The following ARHGAP15 variants were observed in gnomAD, a reference collection of about 807,000 sequenced individuals.
ARHGAP15 encodes the protein rho GTPase-activating protein 15.
Under a neutral mutation model 63.7 loss-of-function variants are expected in ARHGAP15, and 51 were observed. The ratio of observed to expected loss-of-function variants is 0.80; its 90% CI spans 0.64 to 1.01. ARHGAP15 has a LOEUF of 1.01. Ranked by LOEUF, ARHGAP15 falls within the 50% of genes least tolerant of loss-of-function variation. The pLI, the probability that ARHGAP15 is intolerant of heterozygous loss-of-function variation, is 0.00. For missense variants in ARHGAP15, 560 were observed against 564.6 expected (o/e 0.99, Z 0.08); for synonymous variants, 191 against 193.8 (o/e 0.99, Z 0.12).
At chr2:143,232,512 A>C (rs1361546237) in intron 5 of ARHGAP15, among the ~76,000 whole-genome samples, 1 of 152,212 alleles carries the variant, frequency 6.6e-6, no homozygotes, top group East Asian at 1.9e-4. Context: ...AACTCACTTA[A>C]AATATTATAA....
intron 13 of ARHGAP15, among the ~76,000 whole-genome samples, chr2:143,766,310 C>T (rs936628828): frequency 2.0e-5 from 3 of 152,160 alleles, no homozygotes; most frequent in East Asian, 1.9e-4. Context: ...CCAACCAGGA[C>T]GTAACTCCTC....
intron 5 of ARHGAP15, among the ~76,000 whole-genome samples, chr2:143,248,990 A>G (rs1679991332): frequency 6.6e-6 from 1 of 152,206 alleles, no homozygotes; most frequent in South Asian, 2.1e-4. Context: ...TAATGTAATT[A>G]AATCTATAAG....
chr2:143,413,354 C>CT (rs1334833807), intron 6 of ARHGAP15, among the ~76,000 whole-genome samples: 1 of 152,176 alleles, frequency 6.6e-6, no homozygotes, highest in East Asian at 1.9e-4. Flanking sequence ...AGGCATAGTC[C>CT]TTCAGGATCC....
At position 143,360,828 on chromosome 2, in the gene ARHGAP15, A is replaced by G. The variant is rs144834117; in HGVS notation, c.475-74773A>G. ...TGCTTAATTATCAAATAAGAGATTC[A>G]GGCAATTCTTGAAACTAGTTAACAA... On this transcript the variant is annotated intron_variant, in intron 6 of 13. Coordinates refer to ENST00000295095, the MANE Select transcript of ARHGAP15 (RefSeq NM_018460.4). Among the ~76,000 whole-genome samples, 454 of 152,356 alleles carry G rather than the reference A, an allele frequency of 3.0e-3. 3 individuals carry two copies. Among genetic ancestry groups the G allele is most frequent in the African/African-American group, 0.011 (438 of 41,596 alleles).
intron 3 of ARHGAP15, among the ~76,000 whole-genome samples, chr2:143,208,733 G>A (rs1692450933): frequency 6.6e-6 from 1 of 152,084 alleles, no homozygotes; most frequent in African/African-American, 2.4e-5. Context: ...AACTGTTCAT[G>A]AGACCTAATT....
At chr2:143,393,070 G>T (rs999653460) in intron 6 of ARHGAP15, among the ~76,000 whole-genome samples, 22 of 152,130 alleles carry the variant, frequency 1.4e-4, no homozygotes, top group Middle Eastern at 3.2e-3. Context: ...ACAAAGAGAT[G>T]ATTTAAAGCC....
intron 10 of ARHGAP15, among the ~76,000 whole-genome samples, chr2:143,523,890 T>C (rs1694157466): frequency 6.6e-6 from 1 of 152,158 alleles, no homozygotes; most frequent in South Asian, 2.1e-4. Flanking sequence ...GAAGAGAAAT[T>C]GTATGTCATA....
chr2:143,297,799 TCAG>T (rs575663439), intron 6 of ARHGAP15, among the ~76,000 whole-genome samples: 3 of 151,970 alleles, frequency 2.0e-5, no homozygotes, highest in Non-Finnish European at 4.4e-5. Context: ...GGCCAAATAT[TCAG>T]CAGAGAGCCT....
intron 12 of ARHGAP15, among the ~76,000 whole-genome samples, chr2:143,669,474 C>T (rs946573399): frequency 3.9e-5 from 6 of 152,184 alleles, no homozygotes; most frequent in African/African-American, 1.4e-4. Context: ...CAAACTAAAC[C>T]TCCCATGTTA....
At chr2:143,612,623 A>G (rs759068911) in intron 11 of ARHGAP15, among the ~76,000 whole-genome samples, 1 of 152,216 alleles carries the variant, frequency 6.6e-6, no homozygotes, top group African/African-American at 2.4e-5. Flanking sequence ...TCAGACACCA[A>G]ACCAAAATGA....
chr2:143,308,121 A>G (rs937739406), intron 6 of ARHGAP15, among the ~76,000 whole-genome samples: 2 of 152,166 alleles, frequency 1.3e-5, no homozygotes, highest in African/African-American at 2.4e-5. Flanking sequence ...GGTCTTTGGT[A>G]TAGCTGTGAG....
At position 143,323,254 on chromosome 2, in the gene ARHGAP15, A is replaced by T. The variant is rs186908506; in HGVS notation, c.474+72654A>T. ...ATGCTGAGATTTGGGCTTCTAGTGA[A>T]CCCATCACACAAATAGTGAACATGC... On this transcript the variant is annotated intron_variant, in intron 6 of 13. Transcript: ENST00000295095. 4.6e-5 allele frequency among the ~76,000 whole-genome samples: 7 copies of T among 152,320 alleles called. No individual in the cohort carries two copies. The East Asian group carries it at 1.3e-3, about 29-fold the overall frequency.
intron 10 of ARHGAP15, among the ~76,000 whole-genome samples, chr2:143,541,717 T>C (rs577548232): frequency 2.7e-4 from 41 of 152,320 alleles, no homozygotes; most frequent in African/African-American, 9.1e-4. Context: ...CAAATGCTGC[T>C]GCCTGATCGT....
chr2:143,330,956 C>A (rs1276703106), intron 6 of ARHGAP15, among the ~76,000 whole-genome samples: 2 of 152,134 alleles, frequency 1.3e-5, no homozygotes, highest in Non-Finnish European at 2.9e-5. Context: ...AAGATCATTT[C>A]TTTGGTTTGA....
At chr2:143,497,645 C>T (rs376565624) in intron 9 of ARHGAP15, among the ~76,000 whole-genome samples, 31 of 152,114 alleles carry the variant, frequency 2.0e-4, no homozygotes, top group African/African-American at 6.8e-4. Flanking sequence ...ATGCTGCTTT[C>T]GCCTCTGTCG....
rs1558898102 is a variant in ARHGAP15 at position 143,330,133 on chromosome 2, C to CAAAAAAAAAAAAAA, written c.474+79538_474+79539insAAAAAAAAAAAAAA. 6.1e-3 allele frequency among the ~76,000 whole-genome samples: 228 copies of CAAAAAAAAAAAAAA among 37,336 alleles called. 33 individuals are homozygous for CAAAAAAAAAAAAAA. Among genetic ancestry groups the CAAAAAAAAAAAAAA allele is most frequent in the East Asian group, 8.6e-3 (10 of 1,162 alleles). The allele number at this position is 37,336 out of a possible 152,430, so 24.5% of individuals were successfully genotyped here. ...AAAAAAAAAAAAAAAAAAAAAAAAC[C>CAAAAAAAAAAAAAA]AAAAACAAAAAACTAAACTAATGAT... On this transcript the variant is annotated intron_variant, in intron 6 of 13. Coordinates refer to ENST00000295095, the MANE Select transcript of ARHGAP15 (RefSeq NM_018460.4).
At chr2:143,252,407 T>C (rs1440549503) in intron 6 of ARHGAP15, among the ~76,000 whole-genome samples, 1 of 152,110 alleles carries the variant, frequency 6.6e-6, no homozygotes, top group African/African-American at 2.4e-5. Context: ...TGAATGTAGA[T>C]CCTTCCAAAG....
At chr2:143,592,576 G>A (rs546580571) in intron 11 of ARHGAP15, among the ~76,000 whole-genome samples, 13 of 152,312 alleles carry the variant, frequency 8.5e-5, no homozygotes, top group Admixed American at 1.3e-4. Context: ...GGTATATTGA[G>A]GAGGGAGATA....
At chr2:143,722,788 T>C (rs1322610908) in intron 13 of ARHGAP15, among the ~76,000 whole-genome samples, 1 of 151,996 alleles carries the variant, frequency 6.6e-6, no homozygotes, top group Non-Finnish European at 1.5e-5. Flanking sequence ...GATATAGGTG[T>C]GAGCAGCCTG....
Sources: allele counts gnomAD v4.1 joint callset (sites outside exome capture counted in the v4.1 genomes callset), GRCh38; gene constraint gnomAD v4.1.1; transcripts MANE v1.5; gene names NCBI Gene and HGNC (gene_info 2026-07-23, HGNC 2026-07-21).